ANXA7: variants seen among roughly 807,000 people sequenced by gnomAD.
ANXA7 encodes annexin A7.
ANXA7 carries 55 observed loss-of-function variants against 64.9 expected under a neutral mutation model. That is an observed-to-expected ratio of 0.85 (90% CI 0.68 to 1.06). ANXA7 has a LOEUF of 1.06. ANXA7 is among the 50% of genes least tolerant of loss of function. The pLI is 0.00. For synonymous variants in ANXA7, 200 were observed against 192.4 expected (o/e 1.04, Z -0.33); for missense variants, 548 against 582.1 (o/e 0.94, Z 0.60).
At position 73,379,942 on chromosome 10, in the gene ANXA7, C is replaced by A. The variant is rs779502014; in HGVS notation, c.1102G>T (p.Asp368Tyr). The change falls in exon 11 of 13, where the codon GAC becomes TAC. Residue 368 changes from aspartate (D) to tyrosine (Y), a missense_variant. By Grantham distance (160) the Asp-to-Tyr change is radical (BLOSUM62 -3). Transcript: ENST00000372921. ...MEAYSRMANR[D>Y]LLSSVSREFS... is the part of the protein sequence containing the mutation. ...TCACGGCTCACACTGCTTAACAAGT[C>A]TCGATTAGCCATCTGCAAACAAAAT... 6.2e-7 allele frequency: 1 copy of A among 1,614,066 alleles called. No homozygotes were observed. Among genetic ancestry groups the A allele is most frequent in the South Asian group, 1.1e-5 (1 of 91,034 alleles).
At chr10:73,395,782 A>T (rs1423634902) in intron 5 of ANXA7, 1 of 511,518 alleles carries the variant, frequency 2.0e-6, no homozygotes, top group Non-Finnish European at 3.6e-6. Flanking sequence ...GTGAAACTCC[A>T]TCTCAAAAAA....
At chr10:73,380,282 G>T in intron 9 of ANXA7, 81 bp from the exon 10 acceptor site, 1 of 1,386,924 alleles carries the variant, frequency 7.2e-7, no homozygotes. Flanking sequence ...GTTCACTTTT[G>T]GATTTAAAGA....
chr10:73,392,785 C>A (rs139553111), intron 5 of ANXA7, among the ~76,000 whole-genome samples: 15,803 of 151,972 alleles, frequency 0.1, 1,166 homozygotes, highest in East Asian at 0.3. Context: ...CCTTTGAAAA[C>A]TGGCACAAGA....
At chr10:73,399,765 T>C (rs931843879) in intron 2 of ANXA7, among the ~76,000 whole-genome samples, 4 of 151,300 alleles carry the variant, frequency 2.6e-5, no homozygotes, top group Non-Finnish European at 4.4e-5. Context: ...GAGGTTGCAG[T>C]GAGTCGAGAT....
At chr10:73,411,465 G>T (rs1199183607) in intron 1 of ANXA7, among the ~76,000 whole-genome samples, 7 of 152,058 alleles carry the variant, frequency 4.6e-5, no homozygotes, top group Admixed American at 3.9e-4. Context: ...TTTGGAGATG[G>T]AGTCTTGCTC....
At chr10:73,399,335 A>T (rs1782109833) in intron 2 of ANXA7, among the ~76,000 whole-genome samples, 2 of 152,230 alleles carry the variant, frequency 1.3e-5, no homozygotes, top group South Asian at 4.1e-4. Flanking sequence ...GCCTACACTG[A>T]CTGAAATAGT....
rs751693694 is a variant in ANXA7, at chr10:73,387,711, G to C, written c.611C>G (p.Ala204Gly). The C allele has an allele frequency of 1.9e-5, 31 of 1,613,906 alleles. No homozygotes were observed. In the South Asian group the frequency reaches 2.3e-4, roughly 12 times the overall value. ...TACCTTGCCATAGGAGGTCTTAAAT[G>C]CTGCTTTAATTTTTTGCCTCTGATC... Reference protein sequence around the residue: ...SNDQRQKIKAAFKTSYGKDLI... With the variant: ...SNDQRQKIKAGFKTSYGKDLI... The change falls in exon 7 of 13, where the codon GCA becomes GGA. Residue 204 changes from alanine to glycine, a missense_variant. Transcript: ENST00000372921.
intron 1 of ANXA7, among the ~76,000 whole-genome samples, chr10:73,408,008 G>C (rs984024711): frequency 1.3e-5 from 2 of 152,036 alleles, no homozygotes; most frequent in African/African-American, 4.8e-5. Flanking sequence ...AGTAAAGGAG[G>C]GGCAAAAGCT....
Position 73,383,543 on chromosome 10 carries a change from C to CA in ANXA7, c.747+33dup, listed in dbSNP as rs1368789279. ...GTACGGTTTTACATATGAAATAGGA[C>CA]AAAATATTCATAATAAATGACATAT... is the stretch of plus-strand genomic sequence containing the variant. On this transcript the variant is annotated intron_variant, in intron 8 of 12. Transcript: ENST00000372921. 2.6e-6 allele frequency: 4 copies of CA among 1,513,698 alleles called. No individual in the cohort carries two copies. In the South Asian group the frequency reaches 4.6e-5, roughly 17 times the overall value. 93.8% of individuals were successfully genotyped at this position (1,513,698 alleles called of 1,614,324 possible). A position where few individuals can be genotyped will look rare whatever the true frequency, so the allele number is the denominator to read the frequency against.
At chr10:73,377,926 T>C (rs868175503) in intron 12 of ANXA7, among the ~76,000 whole-genome samples, 3 of 146,604 alleles carry the variant, frequency 2.0e-5, no homozygotes, top group East Asian at 2.0e-4. Flanking sequence ...TGTGTGTGTG[T>C]GTGTGCGCGC....
intron 6 of ANXA7, 116 bp from the exon 7 acceptor site, chr10:73,387,899 G>T (rs2055404405): frequency 1.2e-6 from 1 of 805,850 alleles, no homozygotes; most frequent in Non-Finnish European, 2.0e-6. Flanking sequence ...GACTGGGGGT[G>T]CAAGTGCAAT....
At position 73,376,182 on chromosome 10, in the gene ANXA7, C is replaced by A; in HGVS notation, c.1314G>T (p.Gln438His). The A allele has an allele frequency of 6.2e-7, 1 of 1,600,624 alleles. No individual in the cohort carries two copies. Among genetic ancestry groups the A allele is most frequent in the Non-Finnish European group, 8.5e-7 (1 of 1,174,034 alleles). Reference sequence around the variant, plus strand: ...TTGTGCCCAGAGTCTTCTGATACATCTGAGCGAACATCTGTTTTATTTGTA... The same window carrying A: ...TTGTGCCCAGAGTCTTCTGATACATATGAGCGAACATCTGTTTTATTTGTA... ...DLVQIKQMFA[Q>H]MYQKTLGTMI... The change falls in exon 13 of 13, where the codon CAG (glutamine) becomes CAT (histidine). Residue 438 changes from glutamine (Q) to histidine (H), a missense_variant. Gln to His is a conservative substitution (Grantham distance 24, BLOSUM62 0). Coordinates refer to ENST00000372921, the MANE Select transcript of ANXA7 (RefSeq NM_001156.5).
chr10:73,383,279 C>T lies in ANXA7; in HGVS notation c.814G>A (p.Glu272Lys), dbSNP rs758078766. ...LCTRTNQEIR[E>K]IVRCYQSEFG... ...TCTGACTGATAACATCTGACAATTT[C>T]TCGGATTTCCTGATTTGTTCTTGTG... The change falls in exon 9 of 13, where the codon GAA (glutamate) becomes AAA (lysine). Residue 272 changes from glutamate to lysine, a missense_variant. Physicochemically the swap from Glu to Lys is moderately conservative, Grantham distance 56. Coordinates refer to ENST00000372921, the MANE Select transcript of ANXA7 (RefSeq NM_001156.5). The T allele has an allele frequency of 8.3e-5, 134 of 1,614,006 alleles. No homozygotes were observed. The highest frequency in any genetic ancestry group is 1.1e-4 in the Non-Finnish European group (130 of 1,180,000).
At chr10:73,387,947 G>A (rs955179626) in intron 6 of ANXA7, among the ~76,000 whole-genome samples, 164 bp from the exon 7 acceptor site, 3 of 151,066 alleles carry the variant, frequency 2.0e-5, no homozygotes, top group Non-Finnish European at 4.4e-5. Context: ...CACCTCCCAG[G>A]TTCAAGCAAT....
At chr10:73,400,610 C>G (rs1200847254) in intron 2 of ANXA7, among the ~76,000 whole-genome samples, 193 bp downstream of exon 2, 2 of 152,162 alleles carry the variant, frequency 1.3e-5, no homozygotes, top group African/African-American at 4.8e-5. Flanking sequence ...TGGTGCTAAG[C>G]ACCTGCCAGC....
At chr10:73,407,732 A>AT (rs2055780829) in intron 1 of ANXA7, among the ~76,000 whole-genome samples, 1 of 152,188 alleles carries the variant, frequency 6.6e-6, no homozygotes, top group Admixed American at 6.5e-5. Context: ...GTATTCAGCC[A>AT]TTTGAGTACA....
intron 1 of ANXA7, among the ~76,000 whole-genome samples, chr10:73,412,150 C>T (rs1347301963): frequency 2.0e-5 from 3 of 152,054 alleles, no homozygotes; most frequent in African/African-American, 4.8e-5. Flanking sequence ...GATTCTTGTG[C>T]CTCAACCTCC....
At chr10:73,410,524 C>T (rs2055822503) in intron 1 of ANXA7, among the ~76,000 whole-genome samples, 1 of 152,134 alleles carries the variant, frequency 6.6e-6, no homozygotes. Flanking sequence ...TAGCCCCCAT[C>T]TGTAATCCCA....
At chr10:73,396,041 C>A (rs763511659) in intron 5 of ANXA7, 1 of 1,566,854 alleles carries the variant, frequency 6.4e-7, no homozygotes, top group Non-Finnish European at 8.8e-7. Flanking sequence ...AAACCTTACT[C>A]ACTTCACTGC....
Sources: gnomAD v4.1 joint callset for allele counts (sites outside exome capture counted in the v4.1 genomes callset) on GRCh38, gnomAD v4.1.1 for gene constraint, MANE v1.5 for transcripts, NCBI Gene and HGNC (gene_info 2026-07-23, HGNC 2026-07-21) for gene names.